MCTP1: variants seen among roughly 807,000 people sequenced by gnomAD.
MCTP1 encodes multiple C2 and transmembrane domain-containing protein 1.
MCTP1 carries 69 observed loss-of-function variants against 120.6 expected under a neutral mutation model. The observed-to-expected ratio is 0.57, with a 90% CI of 0.47 to 0.70. The LOEUF is 0.70. MCTP1 is among the 30% of genes least tolerant of loss of function. The probability of loss-of-function intolerance (pLI) is 0.00; values close to 1 mark genes in which losing one functional copy is unlikely to be tolerated. For missense variants in MCTP1, 1,203 were observed against 1,248.8 expected (o/e 0.96, Z 0.55); for synonymous variants, 529 against 493.1 (o/e 1.07, Z -0.96).
intron 2 of MCTP1, among the ~76,000 whole-genome samples, chr5:94,954,792 A>G (rs1822137465): frequency 6.6e-6 from 1 of 152,190 alleles, no homozygotes; most frequent in African/African-American, 2.4e-5. Flanking sequence ...CCTTGGTCCC[A>G]TATTTTTTCT....
chr5:95,008,867 T>C (rs779952607), intron 2 of MCTP1, among the ~76,000 whole-genome samples: 25 of 152,012 alleles, frequency 1.6e-4, no homozygotes, highest in African/African-American at 2.4e-5. Flanking sequence ...AAGTTGAAAG[T>C]GTCAAGAATT....
At chr5:95,130,152 C>T (rs1256580172) in intron 1 of MCTP1, among the ~76,000 whole-genome samples, 1 of 152,320 alleles carries the variant, frequency 6.6e-6, no homozygotes, top group East Asian at 1.9e-4. Context: ...GGCTCTCTGG[C>T]TTGCAGACAA....
chr5:95,182,360 C>T (rs1290502081), intron 1 of MCTP1, among the ~76,000 whole-genome samples: 3 of 152,202 alleles, frequency 2.0e-5, no homozygotes, highest in Non-Finnish European at 4.4e-5. Flanking sequence ...GATGCTCACT[C>T]TGTATGGTAG....
At chr5:94,786,974 T>C (rs1169278038) in intron 18 of MCTP1, among the ~76,000 whole-genome samples, 1 of 152,230 alleles carries the variant, frequency 6.6e-6, no homozygotes, top group African/African-American at 2.4e-5. Flanking sequence ...ATTTTCATGT[T>C]CCATTCTGAT....
intron 7 of MCTP1, among the ~76,000 whole-genome samples, chr5:94,922,111 A>C (rs1463125804): frequency 6.6e-6 from 1 of 152,204 alleles, no homozygotes; most frequent in Non-Finnish European, 1.5e-5. Flanking sequence ...TTCATTTGTC[A>C]ACTCTTCATT....
chr5:94,743,631 A>ATTTTTTTT (rs34620641), intron 19 of MCTP1, among the ~76,000 whole-genome samples: 1 of 86,664 alleles, frequency 1.2e-5, no homozygotes, highest in Non-Finnish European at 2.2e-5. Flanking sequence ...CAAAATCCAC[A>ATTTTTTTT]TTTTTTTTTT....
At chr5:95,166,693 G>C (rs1036784579) in intron 1 of MCTP1, among the ~76,000 whole-genome samples, 4 of 148,712 alleles carry the variant, frequency 2.7e-5, no homozygotes, top group Non-Finnish European at 5.9e-5. Context: ...TCACCCTCCC[G>C]AGTAGCTGGG....
intron 2 of MCTP1, among the ~76,000 whole-genome samples, chr5:95,005,002 T>G (rs1239478600): frequency 1.3e-5 from 2 of 152,164 alleles, no homozygotes; most frequent in African/African-American, 2.4e-5. Flanking sequence ...TGAAAACCAC[T>G]GCGGGGTCTG....
chr5:94,781,572 T>A (rs971903847), intron 18 of MCTP1, among the ~76,000 whole-genome samples: 4 of 152,174 alleles, frequency 2.6e-5, no homozygotes, highest in African/African-American at 9.6e-5. Flanking sequence ...ATAGAACCCA[T>A]GAATATTTAA....
chr5:95,011,465 T>C (rs1254514514), intron 2 of MCTP1, among the ~76,000 whole-genome samples: 1 of 152,130 alleles, frequency 6.6e-6, no homozygotes, highest in African/African-American at 2.4e-5. Context: ...CCAAATCTCA[T>C]GTTGAATTGT....
chr5:94,934,420 T>C (rs1399437254), intron 5 of MCTP1, among the ~76,000 whole-genome samples: 1 of 151,872 alleles, frequency 6.6e-6, no homozygotes, highest in African/African-American at 2.4e-5. Flanking sequence ...AATTCTTCAT[T>C]AGCAGCTCAA....
intron 1 of MCTP1, among the ~76,000 whole-genome samples, chr5:95,061,439 T>G (rs1749160418): frequency 1.4e-5 from 1 of 70,842 alleles, no homozygotes; most frequent in African/African-American, 5.8e-5. Flanking sequence ...TTTTTTTTTT[T>G]TTTTTTTTTT....
Position 94,823,189 on chromosome 5 carries a change from G to A in MCTP1, c.2437-24057C>T, listed in dbSNP as rs373721720. Reference sequence around the variant, plus strand: ...GGGTTTTTATGGTTTTAGGTCTTACGTTTAAGTTTTTAATCCATCTCAAGT... The same window carrying A: ...GGGTTTTTATGGTTTTAGGTCTTACATTTAAGTTTTTAATCCATCTCAAGT... On this transcript the variant is annotated intron_variant, in intron 17 of 22. Coordinates refer to ENST00000515393, the MANE Select transcript of MCTP1 (RefSeq NM_024717.7). Among the ~76,000 whole-genome samples the A allele has an allele frequency of 1.1e-4, 16 of 152,160 alleles. No individual in the cohort carries two copies. The East Asian group carries it at 2.1e-3, about 20-fold the overall frequency.
At chr5:95,050,780 T>C (rs1298206291) in intron 1 of MCTP1, among the ~76,000 whole-genome samples, 1 of 152,196 alleles carries the variant, frequency 6.6e-6, no homozygotes, top group Non-Finnish European at 1.5e-5. Context: ...CCTAGTACTG[T>C]AGCATGTGAT....
chr5:95,107,864 T>G (rs1369435159), intron 1 of MCTP1, among the ~76,000 whole-genome samples: 1 of 152,196 alleles, frequency 6.6e-6, no homozygotes, highest in East Asian at 1.9e-4. Flanking sequence ...GTTTTTATTT[T>G]AAGTTCCAGG....
chr5:94,975,603 G>A (rs540416473), intron 2 of MCTP1, among the ~76,000 whole-genome samples: 6 of 151,942 alleles, frequency 3.9e-5, no homozygotes, highest in Admixed American at 3.3e-4. Context: ...CCCAAGCAAA[G>A]ATGGCATATC....
At chr5:94,733,945 C>T (rs1485066147) in intron 19 of MCTP1, among the ~76,000 whole-genome samples, 3 of 143,606 alleles carry the variant, frequency 2.1e-5, no homozygotes, top group African/African-American at 7.8e-5. Context: ...GCCTAGGCAA[C>T]ATAGCAAGAC....
At chr5:95,151,249 G>C (rs768465128) in intron 1 of MCTP1, among the ~76,000 whole-genome samples, 2 of 151,578 alleles carry the variant, frequency 1.3e-5, no homozygotes, top group Non-Finnish European at 2.9e-5. Flanking sequence ...CTTCGAAAGT[G>C]CTAGGATTAT....
intron 1 of MCTP1, among the ~76,000 whole-genome samples, chr5:95,119,398 T>A (rs185694481): frequency 1.4e-4 from 21 of 152,266 alleles, no homozygotes; most frequent in African/African-American, 4.6e-4. Flanking sequence ...GAAGAAAGTT[T>A]ATAGTTATAC....
Sources: gnomAD v4.1 joint callset for allele counts (sites outside exome capture counted in the v4.1 genomes callset) on GRCh38, gnomAD v4.1.1 for gene constraint, MANE v1.5 for transcripts, NCBI Gene and HGNC (gene_info 2026-07-23, HGNC 2026-07-21) for gene names.